RBFOX1: variants seen among roughly 807,000 people sequenced by gnomAD.
The protein encoded by RBFOX1 is RNA binding fox-1 homolog 1.
RBFOX1 carries 8 observed loss-of-function variants against 57.7 expected under a neutral mutation model. That is an observed-to-expected ratio of 0.14 (90% confidence interval 0.08 to 0.25). The LOEUF (loss-of-function observed/expected upper bound fraction) is 0.25, where lower values mean the gene tolerates loss of function less well. RBFOX1 is among the 10% of genes least tolerant of loss of function. The probability of loss-of-function intolerance (pLI) is 1.00; values close to 1 mark genes in which losing one functional copy is unlikely to be tolerated. For missense variants in RBFOX1, 611 were observed against 548.5 expected (o/e 1.11, Z -1.14); for synonymous variants, 326 against 222.4 (o/e 1.47, Z -4.15).
At chr16:5,544,785 C>G (rs142041866) in intron 2 of RBFOX1, among the ~76,000 whole-genome samples, 63 of 152,004 alleles carry the variant, frequency 4.1e-4, no homozygotes, top group African/African-American at 1.4e-3. Flanking sequence ...ATAAATTTGA[C>G]AAAATGAATG....
At chr16:7,519,442 G>A (rs181798458) in intron 5 of RBFOX1, among the ~76,000 whole-genome samples, 5 of 152,154 alleles carry the variant, frequency 3.3e-5, no homozygotes, top group Admixed American at 6.5e-5. Flanking sequence ...ATTTTATTGC[G>A]TACAAATGAT....
At chr16:6,460,356 A>T (rs1364373545) in intron 2 of RBFOX1, among the ~76,000 whole-genome samples, 3 of 152,154 alleles carry the variant, frequency 2.0e-5, no homozygotes, top group South Asian at 4.1e-4. Context: ...TATCCGTCTG[A>T]CAAAGGTCTA....
intron 4 of RBFOX1, among the ~76,000 whole-genome samples, chr16:5,868,577 T>G (rs940158916): frequency 2.0e-5 from 3 of 152,204 alleles, no homozygotes; most frequent in African/African-American, 7.2e-5. Flanking sequence ...CCCGTTCAAA[T>G]GTCGGCATCC....
At position 5,875,282 on chromosome 16, in the gene RBFOX1, A is replaced by C. The variant is rs538925825; in HGVS notation, c.351+7947A>C. Among the ~76,000 whole-genome samples, 9 of 152,332 alleles carry C rather than the reference A, an allele frequency of 5.9e-5. No homozygotes were observed. In the East Asian group the frequency reaches 1.7e-3, roughly 29 times the overall value. Reference sequence around the variant, plus strand: ...TGTGGAGAAGTGGTGTAGGTTGGCCAAACTTACTCAAAAATAGTGGGAGCC... The same window carrying C: ...TGTGGAGAAGTGGTGTAGGTTGGCCCAACTTACTCAAAAATAGTGGGAGCC... On this transcript the variant is annotated intron_variant, in intron 4 of 19. Transcript: ENST00000641259.
At chr16:5,995,393 G>A (rs1295632997) in intron 4 of RBFOX1, among the ~76,000 whole-genome samples, 2 of 152,082 alleles carry the variant, frequency 1.3e-5, no homozygotes, top group East Asian at 3.9e-4. Context: ...TGCCCGCCAT[G>A]AATTTTAGAG....
chr16:5,784,540 C>T (rs1012501852), intron 3 of RBFOX1, among the ~76,000 whole-genome samples: 27 of 152,282 alleles, frequency 1.8e-4, no homozygotes, highest in African/African-American at 6.3e-4. Flanking sequence ...ATAACTCACT[C>T]ACTGGACAGA....
intron 3 of RBFOX1, among the ~76,000 whole-genome samples, chr16:5,631,498 A>C (rs1330300157): frequency 1.3e-5 from 2 of 151,940 alleles, no homozygotes; most frequent in Non-Finnish European, 2.9e-5. Flanking sequence ...CGGAGGTTGC[A>C]GTGAGCCGAG....
At chr16:6,676,121 C>G (rs966830281) in intron 3 of RBFOX1, among the ~76,000 whole-genome samples, 4 of 141,006 alleles carry the variant, frequency 2.8e-5, no homozygotes, top group African/African-American at 8.1e-5. Context: ...AGGATGCTGC[C>G]TAGGGGACAC....
intron 4 of RBFOX1, among the ~76,000 whole-genome samples, chr16:7,468,566 A>G (rs2060958486): frequency 6.6e-6 from 1 of 151,952 alleles, no homozygotes. Flanking sequence ...AACTTCGGAA[A>G]TGGGACAGCT....
At chr16:5,680,295 G>A (rs2050292157) in intron 3 of RBFOX1, among the ~76,000 whole-genome samples, 2 of 152,116 alleles carry the variant, frequency 1.3e-5, no homozygotes, top group South Asian at 2.1e-4. Context: ...GCTTGATGGA[G>A]GAATAAGAAG....
chr16:6,013,130 T>A (rs2094971653), intron 4 of RBFOX1, among the ~76,000 whole-genome samples: 1 of 152,214 alleles, frequency 6.6e-6, no homozygotes, highest in Admixed American at 6.5e-5. Context: ...AAAATCTTGT[T>A]TAGCTCACAT....
Position 7,308,173 on chromosome 16 carries a change from G to C in RBFOX1, c.28-209974G>C, listed in dbSNP as rs181375833. On this transcript the variant is annotated intron_variant, in intron 4 of 15. Transcript: ENST00000550418. ...AATCTAGAGATGGTTTATTTCTATT[G>C]TAAGTAATAGAGGGCAAACCTTATA... 4.5e-3 allele frequency among the ~76,000 whole-genome samples: 681 copies of C among 152,208 alleles called. 2 individuals are homozygous for C. The highest frequency in any genetic ancestry group is 0.015 in the African/African-American group (638 of 41,512).
chr16:5,535,657 G>C (rs2044665283), intron 2 of RBFOX1, among the ~76,000 whole-genome samples: 1 of 152,108 alleles, frequency 6.6e-6, no homozygotes, highest in Non-Finnish European at 1.5e-5. Context: ...ATTTGTTTCG[G>C]TCTGTTTCTT....
At chr16:6,029,905 G>C (rs1368444838) in intron 1 of RBFOX1, among the ~76,000 whole-genome samples, 1 of 151,726 alleles carries the variant, frequency 6.6e-6, no homozygotes, top group Non-Finnish European at 1.5e-5. Flanking sequence ...AATGTTATTT[G>C]CTATGATTAT....
chr16:6,721,358 A>G (rs2065956058), intron 3 of RBFOX1, among the ~76,000 whole-genome samples: 1 of 152,124 alleles, frequency 6.6e-6, no homozygotes, highest in Admixed American at 6.6e-5. Flanking sequence ...CAAGGGAATC[A>G]CTTGAACCCG....
intron 3 of RBFOX1, among the ~76,000 whole-genome samples, chr16:6,987,767 G>C (rs796581074): frequency 6.6e-6 from 1 of 152,166 alleles, no homozygotes; most frequent in African/African-American, 2.4e-5. Flanking sequence ...TAGCAGAGGG[G>C]AGGAGAATAA....
chr16:6,871,247 A>G (rs1290050847), intron 3 of RBFOX1, among the ~76,000 whole-genome samples: 1 of 152,110 alleles, frequency 6.6e-6, no homozygotes, highest in Non-Finnish European at 1.5e-5. Context: ...GTGCATTGGC[A>G]TGATCTCGGC....
chr16:7,141,416 C>T (rs2073755493), intron 4 of RBFOX1, among the ~76,000 whole-genome samples: 1 of 152,134 alleles, frequency 6.6e-6, no homozygotes, highest in Admixed American at 6.5e-5. Context: ...AGCTAGAAGA[C>T]CTTATCGCAT....
chr16:7,694,747 T>C (rs1465083274), intron 14 of RBFOX1, among the ~76,000 whole-genome samples: 1 of 152,152 alleles, frequency 6.6e-6, no homozygotes, highest in Non-Finnish European at 1.5e-5. Flanking sequence ...ACAAAAGTTG[T>C]TTAACATTTT....
Sources: gnomAD v4.1 joint callset for allele counts (sites outside exome capture counted in the v4.1 genomes callset) on GRCh38, gnomAD v4.1.1 for gene constraint, MANE v1.5 for transcripts, NCBI Gene and HGNC (gene_info 2026-07-23, HGNC 2026-07-21) for gene names.